GEMIN5: variants seen among roughly 807,000 people sequenced by gnomAD.
GEMIN5 encodes gem-associated protein 5.
GEMIN5 carries 124 observed loss-of-function variants against 176.9 expected under a neutral mutation model. The ratio of observed to expected loss-of-function variants is 0.70; its 90% confidence interval spans 0.61 to 0.81. The LOEUF (loss-of-function observed/expected upper bound fraction) is 0.81, where lower values mean the gene tolerates loss of function less well. GEMIN5 is among the 40% of genes least tolerant of loss of function. GEMIN5 has a pLI of 0.00. For synonymous variants in GEMIN5, 673 were observed against 665.2 expected, an observed-to-expected ratio of 1.01 and a Z score of -0.18; for missense variants, 1,843 against 1,814.6, an observed-to-expected ratio of 1.02 and a Z score of -0.28.
In GEMIN5 at chr5:154,889,413, C is replaced by T. The variant is rs1378119908; in HGVS notation, c.4267G>A (p.Glu1423Lys). The change falls in exon 27 of 28, where the codon GAA becomes AAA. Residue 1423 changes from glutamate (E) to lysine (K), a missense_variant. Coordinates refer to ENST00000285873, the MANE Select transcript of GEMIN5 (RefSeq NM_015465.5). ...AGAGAAAGTGGCTCATTTTTTTCTT[C>T]TTTACTAGTGAAAAAAATAAAAGGT... ...PLCSSQSQCK[E>K]EKNEPLSLPE... is the part of the protein sequence containing the mutation. The T allele has an allele frequency of 6.9e-6, 11 of 1,588,306 alleles. No individual in the cohort carries two copies. Among genetic ancestry groups the T allele is most frequent in the Non-Finnish European group, 9.5e-6 (11 of 1,157,530 alleles).
At chr5:154,921,249 A>G (rs1444440197) in intron 10 of GEMIN5, 94 bp downstream of exon 10, 4 of 744,144 alleles carry the variant, frequency 5.4e-6, no homozygotes. Flanking sequence ...TCAGTGCACT[A>G]GACCATTTAT....
chr5:154,937,899 T>G, intron 1 of GEMIN5, 69 bp downstream of exon 1: 1 of 1,334,896 alleles, frequency 7.5e-7, no homozygotes, highest in Non-Finnish European at 9.9e-7. Context: ...CGGGGTGGAG[T>G]CGTCCACTCG....
intron 19 of GEMIN5, 85 bp from the exon 20 acceptor site, chr5:154,902,761 G>GA (rs1561713801): frequency 7.3e-7 from 1 of 1,361,732 alleles, no homozygotes; most frequent in Non-Finnish European, 1.0e-6. Flanking sequence ...AGATAGAAGA[G>GA]AAAGTGAGCT....
chr5:154,914,241 G>A (rs1582664709), intron 13 of GEMIN5, among the ~76,000 whole-genome samples: 1 of 152,082 alleles, frequency 6.6e-6, no homozygotes, highest in African/African-American at 2.4e-5. Flanking sequence ...GGCTGGTTTC[G>A]AACTCCGGAC....
At chr5:154,909,133 ATTTTTTTTTTT>A (rs70981958) in intron 15 of GEMIN5, among the ~76,000 whole-genome samples, 1 of 99,732 alleles carries the variant, frequency 1.0e-5, no homozygotes, top group East Asian at 2.8e-4. Flanking sequence ...TAATTTTTGT[ATTTTTTTTTTT>A]TTTTTTTTTT....
intron 26 of GEMIN5, among the ~76,000 whole-genome samples, chr5:154,890,342 A>T (rs906181114): frequency 2.6e-5 from 4 of 152,042 alleles, no homozygotes; most frequent in East Asian, 1.9e-4. Context: ...AATATTTTTT[A>T]AAAATTTAAA....
At position 154,891,457 on chromosome 5, in the gene GEMIN5, C is replaced by T; in HGVS notation, c.4046G>A (p.Gly1349Asp). Reference sequence around the variant, plus strand: ...CTTAAAAGTACTCAGCATTCGCTCACCTTCTTCTGTGAGTCTCAAGTCTAG... The same window carrying T: ...CTTAAAAGTACTCAGCATTCGCTCATCTTCTTCTGTGAGTCTCAAGTCTAG... Reference protein sequence around the residue: ...SELDLRLTEEGERMLSTFKEL... With the variant: ...SELDLRLTEEDERMLSTFKEL... The change falls in exon 26 of 28, where the codon GGT becomes GAT. Residue 1349 changes from glycine to aspartate, a missense_variant. Coordinates refer to ENST00000285873, the MANE Select transcript of GEMIN5 (RefSeq NM_015465.5). The T allele has an allele frequency of 6.2e-7, 1 of 1,614,164 alleles. No homozygotes were observed. The highest frequency in any genetic ancestry group is 1.6e-4 in the Middle Eastern group (1 of 6,062).
rs745819414 is a variant in GEMIN5 at position 154,921,409 on chromosome 5, T to C, written c.1396A>G (p.Ser466Gly). The change falls in exon 10 of 28, where the codon AGC (serine) becomes GGC (glycine). Residue 466 changes from serine (S) to glycine (G), a missense_variant. Physicochemically the swap from Ser to Gly is moderately conservative, Grantham distance 56. Coordinates refer to ENST00000285873, the MANE Select transcript of GEMIN5 (RefSeq NM_015465.5). ...TATACAGTCTTCTTATGATATGTGC[T>C]AGAAATCTGTGGAGGCCTTTAGAAG... ...TYSNKPPQIS[S>G]TYHKKTVYTL... 1.4e-6 allele frequency: 2 copies of C among 1,466,140 alleles called. No individual in the cohort carries two copies. The highest frequency in any genetic ancestry group is 1.9e-6 in the Non-Finnish European group (2 of 1,068,474). The allele number at this position is 1,466,140 out of a possible 1,614,324, so 90.8% of individuals were successfully genotyped here.
chr5:154,927,155 C>T (rs1285222391), intron 7 of GEMIN5, among the ~76,000 whole-genome samples: 1 of 152,100 alleles, frequency 6.6e-6, no homozygotes. Flanking sequence ...CTGGGCAAAA[C>T]TACCCTTCTT....
intron 15 of GEMIN5, among the ~76,000 whole-genome samples, chr5:154,908,654 T>C (rs139368576): frequency 0.022 from 3,293 of 152,294 alleles, 106 homozygotes; most frequent in African/African-American, 0.073. Context: ...CCAATTTCCC[T>C]CAATTTAGGT....
rs1561718596 is a variant in GEMIN5 at position 154,911,828 on chromosome 5, G to C, written c.2066C>G (p.Ala689Gly). The C allele has an allele frequency of 6.2e-7, 1 of 1,613,736 alleles. No individual in the cohort carries two copies. The highest frequency in any genetic ancestry group is 1.7e-5 in the Admixed American group (1 of 60,020). The change falls in exon 15 of 28, where the codon GCA becomes GGA. Residue 689 changes from alanine (A) to glycine (G), a missense_variant. Ala to Gly is a moderately conservative substitution (Grantham distance 60). Transcript: ENST00000285873. Reference protein sequence around the residue: ...RGHRGRLLCVAWSPLDPDCIY... With the variant: ...RGHRGRLLCVGWSPLDPDCIY... ...GCAGTCTGGATCCAAAGGAGACCATGCCACACAAAGCAGTCGACCTCGATG... is the reference window on the plus strand; with the variant it reads ...GCAGTCTGGATCCAAAGGAGACCATCCCACACAAAGCAGTCGACCTCGATG...
intron 24 of GEMIN5, 195 bp from the exon 25 acceptor site, chr5:154,892,744 C>T (rs1487869016): frequency 3.5e-6 from 2 of 571,522 alleles, no homozygotes; most frequent in Non-Finnish European, 6.2e-6. Context: ...GCAGCACACA[C>T]ACGTCCCGGT....
chr5:154,913,566 A>G (rs147947604), intron 13 of GEMIN5, among the ~76,000 whole-genome samples: 2 of 152,282 alleles, frequency 1.3e-5, no homozygotes, highest in Non-Finnish European at 1.5e-5. Context: ...GCTCACGCCT[A>G]TAATCCCAGC....
chr5:154,928,607 G>A lies in GEMIN5; in HGVS notation c.834C>T (p.Asp278=). The part of the protein sequence containing the change: ...PFLKRRGGGI[D]PTVKERLWLT... ...ACCAAAGGCGCTCTTTAACAGTTGG[G>A]TCTATACCCCCTCCTCTTCTCTTCA... Residue 278 remains aspartate, a synonymous_variant, in exon 6 of 28, where the codon GAC becomes GAT. Transcript: ENST00000285873. The A allele has an allele frequency of 1.2e-6, 2 of 1,613,546 alleles. No homozygotes were observed. The highest frequency in any genetic ancestry group is 1.7e-6 in the Non-Finnish European group (2 of 1,179,456).
rs1764259157 is a variant in GEMIN5, at chr5:154,935,921, G to A, written c.429C>T (p.Asp143=). Residue 143 remains aspartate (D), a synonymous_variant, in exon 3 of 28, where the codon GAC becomes GAT. Coordinates refer to ENST00000285873, the MANE Select transcript of GEMIN5 (RefSeq NM_015465.5). ...TGGGTTCTATAAAGAGGTGCTGGCT[G>A]TCATTTCTGTTAAACCAGTAACAGA... is the stretch of plus-strand genomic sequence containing the variant. ...VVFCYWFNRN[D]SQHLFIEPRT... 1 of 1,612,794 alleles carries A rather than the reference G, an allele frequency of 6.2e-7. No individual in the cohort carries two copies. Among genetic ancestry groups the A allele is most frequent in the South Asian group, 1.1e-5 (1 of 91,048 alleles).
intron 20 of GEMIN5, 71 bp downstream of exon 20, chr5:154,902,468 C>T (rs1763484683): frequency 1.4e-6 from 2 of 1,383,050 alleles, no homozygotes; most frequent in Non-Finnish European, 2.0e-6. Flanking sequence ...GTGCTAAGAG[C>T]CATCTTTAGT....
At chr5:154,898,127 C>T (rs113005028) in intron 23 of GEMIN5, among the ~76,000 whole-genome samples, 3,574 of 152,252 alleles carry the variant, frequency 0.023, 134 homozygotes, top group African/African-American at 0.082. Flanking sequence ...TCTCAAACTC[C>T]TGACCTCAAG....
intron 21 of GEMIN5, among the ~76,000 whole-genome samples, chr5:154,900,007 G>A (rs1277825614): frequency 6.6e-6 from 1 of 151,140 alleles, no homozygotes; most frequent in Non-Finnish European, 1.5e-5. Flanking sequence ...TCTCAAAAAT[G>A]AACAAAGTAG....
At chr5:154,913,433 A>G (rs1763746884) in intron 13 of GEMIN5, among the ~76,000 whole-genome samples, 1 of 152,224 alleles carries the variant, frequency 6.6e-6, no homozygotes, top group South Asian at 2.1e-4. Context: ...GTATAATTTG[A>G]ATATAGTCAT....
Sources: allele counts gnomAD v4.1 joint callset (sites outside exome capture counted in the v4.1 genomes callset), GRCh38; gene constraint gnomAD v4.1.1; transcripts MANE v1.5; gene names NCBI Gene and HGNC (gene_info 2026-07-23, HGNC 2026-07-21).